AKT3: variants seen among roughly 807,000 people sequenced by gnomAD.
The protein encoded by AKT3 is RAC-gamma serine/threonine-protein kinase.
In AKT3, 15 loss-of-function variants were observed where a neutral mutation model predicts 65.3. The ratio of observed to expected loss-of-function variants is 0.23; its 90% confidence interval spans 0.15 to 0.35. AKT3 has a LOEUF of 0.35. AKT3 is among the 10% of genes least tolerant of loss of function. The pLI is 1.00. For missense variants in AKT3, 243 were observed against 576.5 expected, an observed-to-expected ratio of 0.42 and a Z score of 5.92; for synonymous variants, 206 against 183.8, an observed-to-expected ratio of 1.12 and a Z score of -0.98.
At chr1:243,564,890 G>T (rs745447555) in intron 9 of AKT3, among the ~76,000 whole-genome samples, 6 of 152,148 alleles carry the variant, frequency 3.9e-5, no homozygotes, top group Non-Finnish European at 7.3e-5. Flanking sequence ...GATGACATTT[G>T]AAAGAATGTA....
At chr1:243,574,802 G>A (rs1674822908) in intron 8 of AKT3, among the ~76,000 whole-genome samples, 1 of 152,054 alleles carries the variant, frequency 6.6e-6, no homozygotes, top group South Asian at 2.1e-4. Flanking sequence ...ATCTCTATGT[G>A]GAGTTGCAGT....
chr1:243,611,464 C>G (rs938150126), intron 8 of AKT3, among the ~76,000 whole-genome samples: 1 of 152,126 alleles, frequency 6.6e-6, no homozygotes, highest in African/African-American at 2.4e-5. Flanking sequence ...GGGTGCATCA[C>G]TTGAGGCCAA....
chr1:243,568,559 T>C (rs901373309), intron 9 of AKT3, among the ~76,000 whole-genome samples: 1 of 152,170 alleles, frequency 6.6e-6, no homozygotes, highest in African/African-American at 2.4e-5. Flanking sequence ...TCAGTGTGTA[T>C]ATGAAGAAAT....
At chr1:243,837,956 C>T (rs9428982) in intron 2 of AKT3, among the ~76,000 whole-genome samples, 7,593 of 152,088 alleles carry the variant, frequency 0.05, 647 homozygotes, top group African/African-American at 0.17. Flanking sequence ...TGTGGATGTT[C>T]GCAGATAACT....
chr1:243,499,258 T>G (rs1251276884), downstream of AKT3, among the ~76,000 whole-genome samples: 1 of 152,224 alleles, frequency 6.6e-6, no homozygotes, highest in East Asian at 1.9e-4. Flanking sequence ...GTGAAAGTAC[T>G]TTTTCATAGG....
Position 243,760,238 on chromosome 1 carries a change from C to T in AKT3, c.47-64522G>A, listed in dbSNP as rs142697927. Reference sequence around the variant, plus strand: ...GGGCTCAAGCATCCTCCTATCTCAGCCTCTCAAATAGCTGGGACTACAGGC... The same window carrying T: ...GGGCTCAAGCATCCTCCTATCTCAGTCTCTCAAATAGCTGGGACTACAGGC... On this transcript the variant is annotated intron_variant, in intron 2 of 13. Coordinates refer to ENST00000673466, the MANE Select transcript of AKT3 (RefSeq NM_005465.7). Among the ~76,000 whole-genome samples the T allele has an allele frequency of 4.4e-3, 666 of 151,166 alleles. 7 individuals carry two copies. The highest frequency in any genetic ancestry group is 0.015 in the African/African-American group (628 of 41,100).
At chr1:243,744,704 A>T (rs1000295548) in intron 2 of AKT3, among the ~76,000 whole-genome samples, 1 of 146,984 alleles carries the variant, frequency 6.8e-6, no homozygotes, top group African/African-American at 2.5e-5. Context: ...GCGCCCCTGC[A>T]CTCCAGCCTG....
At chr1:243,633,723 G>A (rs893284603) in intron 6 of AKT3, among the ~76,000 whole-genome samples, 1 of 151,816 alleles carries the variant, frequency 6.6e-6, no homozygotes, top group Non-Finnish European at 1.5e-5. Flanking sequence ...GAAAAGGAGG[G>A]ACAAAAAGCA....
intron 8 of AKT3, among the ~76,000 whole-genome samples, chr1:243,605,531 A>G (rs1340358916): frequency 6.6e-6 from 1 of 152,220 alleles, no homozygotes; most frequent in African/African-American, 2.4e-5. Flanking sequence ...AGAAATTGAG[A>G]AAAAGAGCAG....
intron 2 of AKT3, among the ~76,000 whole-genome samples, chr1:243,767,126 C>T (rs979440441): frequency 6.6e-6 from 1 of 151,864 alleles, no homozygotes; most frequent in East Asian, 1.9e-4. Context: ...AGAAAAGGCT[C>T]AAGAACAGAG....
chr1:243,850,327 G>A (rs1395700477), upstream of AKT3, among the ~76,000 whole-genome samples: 1 of 150,756 alleles, frequency 6.6e-6, no homozygotes, highest in South Asian at 2.1e-4. Flanking sequence ...GGCGGGAGGG[G>A]GAGGGAGGAG....
At chr1:243,762,611 T>C (rs529785512) in intron 2 of AKT3, among the ~76,000 whole-genome samples, 156 of 152,162 alleles carry the variant, frequency 1.0e-3, no homozygotes, top group African/African-American at 3.6e-3. Flanking sequence ...TGAAATAATT[T>C]CATAAAATAA....
chr1:243,729,502 TA>T (rs1687413907), intron 2 of AKT3, among the ~76,000 whole-genome samples: 2 of 152,050 alleles, frequency 1.3e-5, no homozygotes, highest in African/African-American at 4.8e-5. Flanking sequence ...CCTCATAGAT[TA>T]TAAAGAGACA....
At chr1:243,508,522 G>A (rs1388847345) in intron 13 of AKT3, among the ~76,000 whole-genome samples, 1 of 152,104 alleles carries the variant, frequency 6.6e-6, no homozygotes, top group East Asian at 1.9e-4. Context: ...AGTCCATAGC[G>A]CCCTCCCCAC....
At position 243,843,394 on chromosome 1, in the gene AKT3, A is replaced by G. The variant is rs889478590; in HGVS notation, c.-112-112T>C. ...TTCAACTGGCCTGACCTCACATAAA[A>G]GTCTGGCTCTTCAAACTGGGGAACT... On this transcript the variant is annotated intron_variant, in intron 1 of 13. Coordinates refer to ENST00000673466, the MANE Select transcript of AKT3 (RefSeq NM_005465.7). 6.9e-5 allele frequency: 80 copies of G among 1,165,638 alleles called. No homozygotes were observed. In the African/African-American group the frequency reaches 1.1e-3, roughly 16 times the overall value. 72.2% of individuals were successfully genotyped at this position (1,165,638 alleles called of 1,614,324 possible).
In AKT3 at chr1:243,691,812, G is replaced by C. The variant is rs550443956; in HGVS notation, c.172+3779C>G. On this transcript the variant is annotated intron_variant, in intron 3 of 13. Transcript: ENST00000673466. ...ATGCTCAGGAGAGAGGCCTAGCCTA[G>C]AGATTTAAGTGTGGGAGTAAGCTGC... Among the ~76,000 whole-genome samples the C allele has an allele frequency of 4.6e-5, 7 of 152,312 alleles. No individual in the cohort carries two copies. The South Asian group carries it at 1.4e-3, about 32-fold the overall frequency.
intron 8 of AKT3, among the ~76,000 whole-genome samples, chr1:243,602,629 A>G (rs771030313): frequency 3.3e-5 from 5 of 152,200 alleles, no homozygotes; most frequent in Admixed American, 6.5e-5. Context: ...CAGCCAAATG[A>G]GAAATCTGAA....
intron 2 of AKT3, among the ~76,000 whole-genome samples, chr1:243,765,654 T>C (rs1238469950): frequency 6.6e-6 from 1 of 152,200 alleles, no homozygotes; most frequent in Non-Finnish European, 1.5e-5. Flanking sequence ...CAATAAAGTT[T>C]GAACTGGCTT....
chr1:243,592,638 G>C (rs537843171), intron 8 of AKT3, among the ~76,000 whole-genome samples: 10 of 152,220 alleles, frequency 6.6e-5, no homozygotes, highest in African/African-American at 2.4e-4. Flanking sequence ...GGAAAATAAA[G>C]CCATTATCAG....
Sources: allele counts gnomAD v4.1 joint callset (sites outside exome capture counted in the v4.1 genomes callset), GRCh38; gene constraint gnomAD v4.1.1; transcripts MANE v1.5; gene names NCBI Gene and HGNC (gene_info 2026-07-23, HGNC 2026-07-21).